The following GLS variants were observed in gnomAD, a reference collection of about 807,000 sequenced individuals.
The protein encoded by GLS is glutaminase, also known as glutaminase kidney isoform, mitochondrial.
Under a neutral mutation model 86.7 loss-of-function variants are expected in GLS, and 36 were observed. The observed-to-expected ratio is 0.42, with a 90% CI of 0.32 to 0.55. The LOEUF (loss-of-function observed/expected upper bound fraction) is 0.55, where lower values mean the gene tolerates loss of function less well. Ranked by LOEUF, GLS falls within the 20% of genes least tolerant of loss-of-function variation. The pLI is 0.17. For synonymous variants in GLS, 317 were observed against 305.9 expected (o/e 1.04, Z -0.38); for missense variants, 528 against 833.4 (o/e 0.63, Z 4.51).
chr2:190,945,497 C>CA (rs202134591), intron 14 of GLS, among the ~76,000 whole-genome samples: 1,885 of 151,494 alleles, frequency 0.012, 52 homozygotes, highest in African/African-American at 0.043. Flanking sequence ...CCCGTCTCTA[C>CA]AAAAAAATAA....
rs1690491124 is a variant in GLS at position 190,943,138 on chromosome 2, A to AG, written c.1651-10423dup. ...CAAATAGAGGTTCTGTTAGTATGGA[A>AG]GGGGTGGGTAGTGGATAATGGTTAG... On this transcript the variant is annotated intron_variant, in intron 14 of 17. Coordinates refer to ENST00000320717, the MANE Select transcript of GLS (RefSeq NM_014905.5). The surrounding 1 kb of genome is among the most constrained non-coding windows in gnomAD (Gnocchi z 4.5). 6.6e-6 allele frequency among the ~76,000 whole-genome samples: 1 copy of AG among 152,166 alleles called. No homozygotes were observed. Among genetic ancestry groups the AG allele is most frequent in the Non-Finnish European group, 1.5e-5 (1 of 68,012 alleles).
chr2:190,926,221 T>G lies in GLS; in HGVS notation c.1249-1085T>G, dbSNP rs186642485. Among the ~76,000 whole-genome samples the G allele has an allele frequency of 6.4e-3, 980 of 152,270 alleles. 9 individuals carry two copies. The highest frequency in any genetic ancestry group is 0.022 in the African/African-American group (930 of 41,546). On this transcript the variant is annotated intron_variant, in intron 11 of 17. Coordinates refer to ENST00000320717, the MANE Select transcript of GLS (RefSeq NM_014905.5). Reference sequence around the variant, plus strand: ...AATTCCAATTAATGTTAAGTATAAATTAGGAAATGATCATTGGAATTCAGA... The same window carrying G: ...AATTCCAATTAATGTTAAGTATAAAGTAGGAAATGATCATTGGAATTCAGA...
At position 190,930,709 on chromosome 2, in the gene GLS, A is replaced by G; in HGVS notation, c.1557+141A>G. 1 of 653,896 alleles carries G rather than the reference A, an allele frequency of 1.5e-6. No individual in the cohort carries two copies. The highest frequency in any genetic ancestry group is 2.5e-6 in the Non-Finnish European group (1 of 398,738). 40.5% of individuals were successfully genotyped at this position (653,896 alleles called of 1,614,324 possible). ...CCAGTTACTAGGGAGCCGTGGAAAT[A>G]CTCCCAGAGGAGCTTCAAGTTGTCT... On this transcript the variant is annotated intron_variant, in intron 13 of 17. Coordinates refer to ENST00000320717, the MANE Select transcript of GLS (RefSeq NM_014905.5). The surrounding 1 kb of genome is among the most constrained non-coding windows in gnomAD (Gnocchi z 5.0).
intron 1 of GLS, 68 bp downstream of exon 1, chr2:190,881,538 C>T (rs1688181613): frequency 5.0e-6 from 7 of 1,409,780 alleles, no homozygotes; most frequent in South Asian, 1.3e-5. Flanking sequence ...TGTGTGGGGC[C>T]CTGCGGTGGG....
chr2:190,934,346 C>T (rs1473913160), intron 14 of GLS: 2 of 964,694 alleles, frequency 2.1e-6, no homozygotes, highest in Non-Finnish European at 2.5e-6. Flanking sequence ...AAATTCCCTT[C>T]TAGAGGTGCT....
chr2:190,916,053 A>C, intron 7 of GLS, among the ~76,000 whole-genome samples: 1 of 152,182 alleles, frequency 6.6e-6, no homozygotes, highest in East Asian at 1.9e-4. Flanking sequence ...AGCAATTCAC[A>C]CCTCTGTAAA....
chr2:190,941,204 G>A (rs938855722), intron 14 of GLS, among the ~76,000 whole-genome samples: 3 of 152,118 alleles, frequency 2.0e-5, no homozygotes, highest in African/African-American at 7.2e-5. Flanking sequence ...CAGGGATACA[G>A]GTACTGAATA....
Position 190,930,528 on chromosome 2 carries a change from A to G in GLS, c.1517A>G (p.Asp506Gly), listed in dbSNP as rs1443499477. 1.9e-6 allele frequency: 3 copies of G among 1,613,004 alleles called. No homozygotes were observed. Among genetic ancestry groups the G allele is most frequent in the Non-Finnish European group, 2.5e-6 (3 of 1,179,224 alleles). The change falls in exon 13 of 18, where the codon GAT becomes GGT. Residue 506 changes from aspartate (D) to glycine (G), a missense_variant. By Grantham distance (94) the Asp-to-Gly change is moderately conservative (BLOSUM62 -1). Around this residue, in one of 4 missense-constraint regions of GLS, gnomAD observed 163 missense variants for 429.2 expected, o/e 0.38. Coordinates refer to ENST00000320717, the MANE Select transcript of GLS (RefSeq NM_014905.5). The surrounding 1 kb of genome is among the most constrained non-coding windows in gnomAD (Gnocchi z 5.0). ...MGMMCWSPPL[D>G]KMGNSVKGIH... The stretch of plus-strand genomic sequence containing the variant: ...ATGATGTGCTGGTCTCCTCCTCTGG[A>G]TAAGATGGGCAACAGTGTTAAGGGA...
intron 7 of GLS, among the ~76,000 whole-genome samples, chr2:190,912,953 G>A (rs1437192778): frequency 6.6e-6 from 1 of 152,098 alleles, no homozygotes; most frequent in African/African-American, 2.4e-5. Context: ...TTGCATCTGA[G>A]TACCCAAAGC....
In GLS at chr2:190,920,186, A is replaced by C. The variant is rs1409955167; in HGVS notation, c.1039-838A>C. On this transcript the variant is annotated intron_variant, in intron 7 of 17. Transcript: ENST00000320717. The surrounding 1 kb of genome is among the most constrained non-coding windows in gnomAD (Gnocchi z 4.2). ...GAGATGTATTGTTTCTTTTGGGTGC[A>C]TATCACCAATTAATACGTTTGATTT... The C allele has an allele frequency of 6.6e-6, 1 of 151,918 alleles. No homozygotes were observed. Among genetic ancestry groups the C allele is most frequent in the Non-Finnish European group, 1.5e-5 (1 of 67,810 alleles). 9.4% of individuals were successfully genotyped at this position (151,918 alleles called of 1,614,324 possible).
At position 190,930,376 on chromosome 2, in the gene GLS, A is replaced by G. The variant is rs1218452335; in HGVS notation, c.1426-61A>G. Reference sequence around the variant, plus strand: ...CCCAGCCCCAGTTTCCCTATTGTTGAACATAACATTTCTTATTTTAAAATG... The same window carrying G: ...CCCAGCCCCAGTTTCCCTATTGTTGGACATAACATTTCTTATTTTAAAATG... On this transcript the variant is annotated intron_variant, in intron 12 of 17. Coordinates refer to ENST00000320717, the MANE Select transcript of GLS (RefSeq NM_014905.5). This position sits in a 1 kb window ranked among gnomAD's most constrained non-coding sequence, Gnocchi z 5.0. The G allele has an allele frequency of 2.3e-6, 3 of 1,297,950 alleles. No individual in the cohort carries two copies. The highest frequency in any genetic ancestry group is 1.2e-5 in the South Asian group (1 of 83,240). The allele number at this position is 1,297,950 out of a possible 1,614,324, so 80.4% of individuals were successfully genotyped here. A position where few individuals can be genotyped will look rare whatever the true frequency, so the allele number is the denominator to read the frequency against.
At chr2:190,941,074 G>A (rs965253498) in intron 14 of GLS, among the ~76,000 whole-genome samples, 9 of 152,058 alleles carry the variant, frequency 5.9e-5, no homozygotes, top group Non-Finnish European at 1.3e-4. Flanking sequence ...TTCACTGATA[G>A]GTTCTTATTC....
chr2:190,941,467 G>T (rs1690427362), intron 14 of GLS, among the ~76,000 whole-genome samples: 1 of 152,118 alleles, frequency 6.6e-6, no homozygotes, highest in African/African-American at 2.4e-5. Flanking sequence ...AGAGAGCATG[G>T]TTAGCTGTAT....
intron 1 of GLS, among the ~76,000 whole-genome samples, chr2:190,892,254 A>C (rs1367010469): frequency 6.6e-6 from 1 of 152,194 alleles, no homozygotes; most frequent in Admixed American, 6.5e-5. Context: ...TCTTAAAGGC[A>C]GCATTTAGAA....
At chr2:190,883,396 T>C (rs1688273428) in intron 1 of GLS, among the ~76,000 whole-genome samples, 1 of 152,210 alleles carries the variant, frequency 6.6e-6, no homozygotes, top group Non-Finnish European at 1.5e-5. Flanking sequence ...CTGCAAAGCA[T>C]AGGTCATCCC....
At chr2:190,896,764 C>T (rs931481172) in intron 3 of GLS, among the ~76,000 whole-genome samples, 1 of 152,036 alleles carries the variant, frequency 6.6e-6, no homozygotes, top group African/African-American at 2.4e-5. Flanking sequence ...ACTTTAGGTC[C>T]GTGTTGCAGT....
chr2:190,934,640 A>T (rs912516042), intron 14 of GLS: 1 of 984,090 alleles, frequency 1.0e-6, no homozygotes, highest in Non-Finnish European at 1.2e-6. Flanking sequence ...ACATTTTACC[A>T]TTTCATTCCG....
chr2:190,926,898 C>T (rs1371579649), intron 11 of GLS: 1 of 155,348 alleles, frequency 6.4e-6, no homozygotes, highest in Non-Finnish European at 1.4e-5. Flanking sequence ...TAGACACTAT[C>T]ATAATCTTCA....
intron 14 of GLS, chr2:190,935,000 A>T: frequency 1.0e-6 from 1 of 953,928 alleles, no homozygotes; most frequent in Non-Finnish European, 1.2e-6. Context: ...ACCCACTATT[A>T]TTGGGTTTGT....
Sources: allele counts gnomAD v4.1 joint callset (sites outside exome capture counted in the v4.1 genomes callset), GRCh38; gene constraint gnomAD v4.1.1; regional missense constraint gnomAD v4.1.1; non-coding constraint Gnocchi (gnomAD v3.1); transcripts MANE v1.5; gene names NCBI Gene and HGNC (gene_info 2026-07-23, HGNC 2026-07-21).